DPF2: variants seen among roughly 807,000 people sequenced by gnomAD.
DPF2 encodes the protein zinc finger protein ubi-d4.
DPF2 carries 10 observed loss-of-function variants against 59.6 expected under a neutral mutation model. That is an observed-to-expected ratio of 0.17 (90% CI 0.10 to 0.28). The LOEUF (loss-of-function observed/expected upper bound fraction) is 0.28, where lower values mean the gene tolerates loss of function less well. Ranked by LOEUF, DPF2 falls within the 10% of genes least tolerant of loss-of-function variation. The pLI, the probability that DPF2 is intolerant of heterozygous loss-of-function variation, is 1.00. For synonymous variants in DPF2, 189 were observed against 190.6 expected (o/e 0.99, Z 0.07); for missense variants, 315 against 509.4 (o/e 0.62, Z 3.67).
At chr11:65,345,586 G>A in intron 6 of DPF2, 80 bp from the exon 7 acceptor site, 1 of 1,574,700 alleles carries the variant, frequency 6.4e-7, no homozygotes, top group Non-Finnish European at 8.6e-7. Flanking sequence ...GCCTCAGGTG[G>A]AGCCCCCACA....
At chr11:65,346,841 C>G (rs1355020238) in intron 9 of DPF2, 1 of 157,360 alleles carries the variant, frequency 6.4e-6, no homozygotes, top group African/African-American at 2.4e-5. Flanking sequence ...CAGCCAGCGC[C>G]AAGGCCTTAT....
intron 1 of DPF2, among the ~76,000 whole-genome samples, chr11:65,335,941 G>A (rs530106314): frequency 1.3e-5 from 2 of 152,086 alleles, no homozygotes; most frequent in South Asian, 4.1e-4. Context: ...AGCCTCCCGG[G>A]TAGCTGAGAT....
In DPF2 at chr11:65,337,494, TATATATATATAGAGAG is replaced by T. The variant is rs1428525816; in HGVS notation, c.33-2889_33-2874del. On this transcript the variant is annotated intron_variant, in intron 1 of 10. Coordinates refer to ENST00000528416, the MANE Select transcript of DPF2 (RefSeq NM_006268.5). ...AAAAAAATATATATATATATATATA[TATATATATATAGAGAG>T]AGAGAGAGAGAGAGAGAGAGAGAGA... 1.8e-3 allele frequency among the ~76,000 whole-genome samples: 110 copies of T among 62,576 alleles called. 2 individuals are homozygous for T. The highest frequency in any genetic ancestry group is 0.011 in the East Asian group (24 of 2,138). The allele number at this position is 62,576 out of a possible 152,430, so 41.1% of individuals were successfully genotyped here.
At position 65,333,917 on chromosome 11, in the gene DPF2, C is replaced by A; in HGVS notation, c.31C>A (p.Leu11Ile). The part of the protein sequence containing the change: MAAVVENVVK[L>I]LGEQYYKDAM... ...GGCTGTGGTGGAGAATGTAGTGAAG[C>A]TGTGAGTGGTCGTTTCTTTCTCTCC... is the stretch of plus-strand genomic sequence containing the variant. The change falls in exon 1 of 11, where the codon CTC (leucine) becomes ATC (isoleucine). Residue 11 changes from leucine to isoleucine, a missense_variant and splice_region_variant. Leu to Ile is a conservative substitution (Grantham distance 5). Around this residue, in one of 4 missense-constraint regions of DPF2, gnomAD observed 228 missense variants for 275.3 expected, o/e 0.83. Coordinates refer to ENST00000528416, the MANE Select transcript of DPF2 (RefSeq NM_006268.5). The A allele has an allele frequency of 6.2e-7, 1 of 1,613,950 alleles. No individual in the cohort carries two copies. Among genetic ancestry groups the A allele is most frequent in the South Asian group, 1.1e-5 (1 of 91,074 alleles).
Position 65,341,388 on chromosome 11 carries a change from C to T in DPF2, c.302-11C>T, listed in dbSNP as rs373181445. On this transcript the variant is annotated splice_polypyrimidine_tract_variant and intron_variant, in intron 3 of 10. Transcript: ENST00000528416. ...CTTTTGAGCCTTGCTTTATCCTGAC[C>T]TTGCTTGCAGACACAGACCAGACCC... 7.0e-4 allele frequency: 1,130 copies of T among 1,614,038 alleles called. 2 individuals carry two copies. Among genetic ancestry groups the T allele is most frequent in the Non-Finnish European group, 9.0e-4 (1,063 of 1,180,036 alleles).
chr11:65,347,695 A>T (rs1474329662), intron 9 of DPF2: 1 of 151,936 alleles, frequency 6.6e-6, no homozygotes, highest in Non-Finnish European at 1.5e-5. Context: ...TACTCTTGTC[A>T]TCCAGGCTGG....
Position 65,353,261 on chromosome 11 carries a change from A to G in DPF2, c.*1502A>G, listed in dbSNP as rs931085422. 4 of 152,168 alleles carry G rather than the reference A, an allele frequency of 2.6e-5. No individual in the cohort carries two copies. Among genetic ancestry groups the G allele is most frequent in the African/African-American group, 9.7e-5 (4 of 41,436 alleles). 9.4% of individuals were successfully genotyped at this position (152,168 alleles called of 1,614,324 possible). On this transcript the variant is annotated 3_prime_UTR_variant, in exon 11 of 11. Coordinates refer to ENST00000528416, the MANE Select transcript of DPF2 (RefSeq NM_006268.5). ...TGGGTTAAAATCAACTTTAACATCT[A>G]TTTTTATGTTTCAGTTGATTTGGAG...
chr11:65,340,318 G>C, intron 1 of DPF2, 67 bp from the exon 2 acceptor site: 5 of 1,552,292 alleles, frequency 3.2e-6, no homozygotes, highest in Non-Finnish European at 4.4e-6. Context: ...TGGCAGGGGA[G>C]AGGAATAGCT....
At chr11:65,337,541 A>AGAGAGAGAGAGG (rs1854231885) in intron 1 of DPF2, among the ~76,000 whole-genome samples, 1 of 137,282 alleles carries the variant, frequency 7.3e-6, no homozygotes, top group Non-Finnish European at 1.6e-5. Context: ...AGAGAGAGAG[A>AGAGAGAGAGAGG]GAGAGAACAA....
At chr11:65,338,617 T>C (rs1198516440) in intron 1 of DPF2, among the ~76,000 whole-genome samples, 1 of 152,196 alleles carries the variant, frequency 6.6e-6, no homozygotes, top group Non-Finnish European at 1.5e-5. Context: ...CAAGGCTGCC[T>C]TCTCCATTCT....
chr11:65,346,041 C>T lies in DPF2; in HGVS notation c.887C>T (p.Ser296Phe). 6.2e-7 allele frequency: 1 copy of T among 1,614,228 alleles called. No individual in the cohort carries two copies. The highest frequency in any genetic ancestry group is 8.5e-7 in the Non-Finnish European group (1 of 1,180,032). ...TGQPEELVSC[S>F]DCGRSGHPSC... ...CAACCCGAGGAGCTGGTGTCCTGTT[C>T]TGACTGTGGCCGCTCAGGTACTGCT... Residue 296 changes from serine to phenylalanine, a missense_variant, in exon 8 of 11, where the codon TCT (serine) becomes TTT (phenylalanine). Physicochemically the swap from Ser to Phe is radical, Grantham distance 155 (BLOSUM62 -2). This residue lies in a region of DPF2 where 58 missense variants were observed against 84.6 expected (regional missense o/e 0.69). Coordinates refer to ENST00000528416, the MANE Select transcript of DPF2 (RefSeq NM_006268.5).
Position 65,350,299 on chromosome 11 carries a change from C to G in DPF2, c.1099+1368C>G, listed in dbSNP as rs942660598. 3.9e-5 allele frequency among the ~76,000 whole-genome samples: 6 copies of G among 152,092 alleles called. No homozygotes were observed. The East Asian group carries it at 1.2e-3, about 29-fold the overall frequency. On this transcript the variant is annotated intron_variant, in intron 10 of 10. Transcript: ENST00000528416. Reference sequence around the variant, plus strand: ...ACAAGCTAAAACCTATGGACCACATCCAGCCACAGCCAGCTTAAATAGCTT... The same window carrying G: ...ACAAGCTAAAACCTATGGACCACATGCAGCCACAGCCAGCTTAAATAGCTT...
rs1590934046 is a variant in DPF2, at chr11:65,343,012, TC to T, written c.466-730del. 2.2e-5 allele frequency among the ~76,000 whole-genome samples: 3 copies of T among 135,102 alleles called. No homozygotes were observed. The South Asian group carries it at 7.1e-4, about 32-fold the overall frequency. The allele number at this position is 135,102 out of a possible 152,430, so 88.6% of individuals were successfully genotyped here. ...CCATCTCAAAAAAAAAAAAAAAACT[TC>T]CCATGGCCGGCCACGGTGGCTGACG... On this transcript the variant is annotated intron_variant, in intron 4 of 10. Coordinates refer to ENST00000528416, the MANE Select transcript of DPF2 (RefSeq NM_006268.5).
intron 1 of DPF2, among the ~76,000 whole-genome samples, chr11:65,335,856 C>T (rs372781721): frequency 3.2e-4 from 48 of 152,124 alleles, no homozygotes; most frequent in African/African-American, 1.1e-3. Context: ...GTTGTCGGCC[C>T]GGGCTGGAAT....
At chr11:65,346,101 G>A in intron 8 of DPF2, 43 bp downstream of exon 8, 1 of 1,611,172 alleles carries the variant, frequency 6.2e-7, no homozygotes. Flanking sequence ...CAGTCCCCAA[G>A]GGGCTCTTGG....
In DPF2 at chr11:65,352,862, C is replaced by T. The variant is rs1854760128; in HGVS notation, c.*1103C>T. 6.6e-6 allele frequency: 1 copy of T among 152,548 alleles called. No individual in the cohort carries two copies. Among genetic ancestry groups the T allele is most frequent in the African/African-American group, 2.4e-5 (1 of 41,442 alleles). The allele number at this position is 152,548 out of a possible 1,614,324, so 9.4% of individuals were successfully genotyped here. ...TGCCAGGACACCCTGGAGTAGCCTTCCCCCTTGGCCGTGGGCAGGCCCTAA... is the reference window on the plus strand; with the variant it reads ...TGCCAGGACACCCTGGAGTAGCCTTTCCCCTTGGCCGTGGGCAGGCCCTAA... On this transcript the variant is annotated 3_prime_UTR_variant, in exon 11 of 11. Transcript: ENST00000528416.
chr11:65,339,253 A>G (rs537971358), intron 1 of DPF2, among the ~76,000 whole-genome samples: 40 of 152,050 alleles, frequency 2.6e-4, no homozygotes, highest in African/African-American at 8.9e-4. Context: ...AAAAAAAAAA[A>G]AAAACAAGAT....
chr11:65,335,138 C>A (rs1950079593), intron 1 of DPF2, among the ~76,000 whole-genome samples: 1 of 150,602 alleles, frequency 6.6e-6, no homozygotes, highest in Admixed American at 6.6e-5. Context: ...AGCCACCCCT[C>A]CTCCCAACGC....
chr11:65,340,258 A>G, intron 1 of DPF2, 127 bp from the exon 2 acceptor site: 1 of 1,076,052 alleles, frequency 9.3e-7, no homozygotes, highest in Non-Finnish European at 1.3e-6. Flanking sequence ...GGAGGCAAAT[A>G]GAACGGAAGA....
Sources: allele counts gnomAD v4.1 joint callset (sites outside exome capture counted in the v4.1 genomes callset), GRCh38; gene constraint gnomAD v4.1.1; regional missense constraint gnomAD v4.1.1; transcripts MANE v1.5; gene names NCBI Gene and HGNC (gene_info 2026-07-23, HGNC 2026-07-21).